The following HECW1 variants were observed in gnomAD, a reference collection of about 807,000 sequenced individuals.
The protein encoded by HECW1 is HECT, C2 and WW domain containing E3 ubiquitin protein ligase 1, also known as E3 ubiquitin-protein ligase HECW1.
Under a neutral mutation model 182.3 loss-of-function variants are expected in HECW1, and 61 were observed. The observed-to-expected ratio is 0.33, with a 90% CI of 0.27 to 0.41. HECW1 has a LOEUF of 0.41. Among genes scored for constraint, HECW1 ranks in the 10% least tolerant of loss-of-function variants. The pLI is 1.00. For missense variants in HECW1, 1,739 were observed against 2,108.9 expected, an observed-to-expected ratio of 0.82 and a Z score of 3.44; for synonymous variants, 859 against 832.6, an observed-to-expected ratio of 1.03 and a Z score of -0.55.
At chr7:43,513,373 C>T (rs950733731) in intron 24 of HECW1, among the ~76,000 whole-genome samples, 3 of 152,190 alleles carry the variant, frequency 2.0e-5, no homozygotes, top group Non-Finnish European at 2.9e-5. Flanking sequence ...GGTCCTGCAG[C>T]GGCCACTTCC....
At position 43,125,757 on chromosome 7, in the gene HECW1, TAAAAA is replaced by T. The variant is rs57874835; in HGVS notation, c.-32+11385_-32+11389del. 1.7e-4 allele frequency among the ~76,000 whole-genome samples: 15 copies of T among 86,544 alleles called. No individual in the cohort carries two copies. In the South Asian group the frequency reaches 2.5e-3, roughly 14 times the overall value. The allele number at this position is 86,544 out of a possible 152,430, so 56.8% of individuals were successfully genotyped here. On this transcript the variant is annotated intron_variant, in intron 2 of 29. Transcript: ENST00000395891. ...TGGGTGACAGAGCGAGATTCTGTCT[TAAAAA>T]AAAAAAAAAAAAAAAAAAGAGTGAG...
chr7:43,278,576 G>A (rs1238861661), intron 3 of HECW1, among the ~76,000 whole-genome samples: 3 of 151,940 alleles, frequency 2.0e-5, no homozygotes, highest in Non-Finnish European at 2.9e-5. Context: ...CCCAACCATG[G>A]CCTCCGAGGC....
At chr7:43,298,553 A>G (rs1483621102) in intron 3 of HECW1, among the ~76,000 whole-genome samples, 1 of 152,248 alleles carries the variant, frequency 6.6e-6, no homozygotes, top group Admixed American at 6.5e-5. Context: ...ACCGATGGCA[A>G]TGAGACCTGT....
At chr7:43,443,683 C>T (rs572532139) in intron 10 of HECW1, among the ~76,000 whole-genome samples, 1 of 152,294 alleles carries the variant, frequency 6.6e-6, no homozygotes, top group South Asian at 2.1e-4. Context: ...TGTTGGGAAC[C>T]TTCCAGCCTG....
At chr7:43,141,628 T>A (rs944810567) in intron 2 of HECW1, among the ~76,000 whole-genome samples, 3 of 151,930 alleles carry the variant, frequency 2.0e-5, no homozygotes, top group Non-Finnish European at 2.9e-5. Flanking sequence ...GCATCCTGAG[T>A]AGCTGGGATT....
rs775875064 is a variant in HECW1, at chr7:43,456,347, G to A, written c.2551G>A (p.Val851Met). Residue 851 changes from valine to methionine, a missense_variant, in exon 13 of 30, where the codon GTG (valine) becomes ATG (methionine). Val to Met is a conservative substitution (Grantham distance 21). This residue lies in a region of HECW1 where 971 missense variants were observed against 1,029.1 expected (regional missense o/e 0.94). Coordinates refer to ENST00000395891, the MANE Select transcript of HECW1 (RefSeq NM_015052.5). Reference sequence around the variant, plus strand: ...CGGGCGGGTCTTTTATGTGGACCACGTGAACCGCACAACCACCTGGCAGCG... The same window carrying A: ...CGGGCGGGTCTTTTATGTGGACCACATGAACCGCACAACCACCTGGCAGCG... ...SHGRVFYVDH[V>M]NRTTTWQRPT... 1.2e-5 allele frequency: 19 copies of A among 1,613,848 alleles called. No homozygotes were observed. The highest frequency in any genetic ancestry group is 4.4e-5 in the South Asian group (4 of 91,028).
rs191849772 is a variant in HECW1 at position 43,420,442 on chromosome 7, G to C, written c.801+12711G>C. Reference sequence around the variant, plus strand: ...AAGGATGCACACTTTAGCCACTTCTGTTTAATATTGTGCTAGAGATTCTAG... The same window carrying C: ...AAGGATGCACACTTTAGCCACTTCTCTTTAATATTGTGCTAGAGATTCTAG... On this transcript the variant is annotated intron_variant, in intron 8 of 29. Coordinates refer to ENST00000395891, the MANE Select transcript of HECW1 (RefSeq NM_015052.5). 9.2e-5 allele frequency among the ~76,000 whole-genome samples: 14 copies of C among 152,272 alleles called. No homozygotes were observed. In the East Asian group the frequency reaches 2.7e-3, roughly 29 times the overall value.
chr7:43,221,285 G>A (rs559127443), intron 2 of HECW1, among the ~76,000 whole-genome samples: 65 of 152,168 alleles, frequency 4.3e-4, no homozygotes, highest in African/African-American at 1.5e-3. Flanking sequence ...CACATCTAGA[G>A]GATTAGGGAG....
intron 11 of HECW1, among the ~76,000 whole-genome samples, chr7:43,449,636 T>C (rs890141892): frequency 6.6e-6 from 1 of 152,244 alleles, no homozygotes; most frequent in Non-Finnish European, 1.5e-5. Flanking sequence ...ACCACCATTT[T>C]TCAGTCTCTC....
chr7:43,284,712 C>T (rs753352557), intron 3 of HECW1, among the ~76,000 whole-genome samples: 27 of 152,214 alleles, frequency 1.8e-4, no homozygotes, highest in Non-Finnish European at 3.1e-4. Context: ...AATTTCCCTT[C>T]CCTGAAATAA....
chr7:43,166,271 T>C (rs1036448871), intron 2 of HECW1, among the ~76,000 whole-genome samples: 2 of 152,082 alleles, frequency 1.3e-5, no homozygotes, highest in African/African-American at 2.4e-5. Context: ...TTAGTAGAGA[T>C]GGGGTTTTGC....
At chr7:43,499,168 C>G (rs1260356171) in intron 19 of HECW1, among the ~76,000 whole-genome samples, 1 of 151,900 alleles carries the variant, frequency 6.6e-6, no homozygotes, top group Non-Finnish European at 1.5e-5. Context: ...GTAGTCCCAG[C>G]TACATGGGGG....
At chr7:43,324,524 A>G (rs1419953194) in intron 5 of HECW1, among the ~76,000 whole-genome samples, 2 of 152,190 alleles carry the variant, frequency 1.3e-5, no homozygotes, top group Non-Finnish European at 2.9e-5. Flanking sequence ...ACGTTCTCAT[A>G]TGGCTATCCT....
At chr7:43,244,976 C>T (rs1318442475) in intron 3 of HECW1, among the ~76,000 whole-genome samples, 1 of 152,244 alleles carries the variant, frequency 6.6e-6, no homozygotes, top group African/African-American at 2.4e-5. Context: ...GAGGCAGCTT[C>T]TCCTCTGCCA....
intron 19 of HECW1, among the ~76,000 whole-genome samples, chr7:43,498,682 G>A (rs1379263654): frequency 6.6e-6 from 1 of 152,060 alleles, no homozygotes; most frequent in African/African-American, 2.4e-5. Flanking sequence ...TTTCAACCCA[G>A]TCAAAGAAGC....
chr7:43,517,182 T>C (rs2080199177), intron 24 of HECW1, among the ~76,000 whole-genome samples: 2 of 152,220 alleles, frequency 1.3e-5, no homozygotes. Flanking sequence ...TCAGTTTCTC[T>C]GCAGCCACCA....
chr7:43,361,021 G>A, intron 6 of HECW1, 41 bp downstream of exon 6: 1 of 1,393,274 alleles, frequency 7.2e-7, no homozygotes. Context: ...CCTAACTCTG[G>A]TCTTTCTTCA....
chr7:43,237,140 A>AG (rs1554321392), intron 2 of HECW1, among the ~76,000 whole-genome samples: 8 of 133,854 alleles, frequency 6.0e-5, no homozygotes, highest in Non-Finnish European at 1.2e-4. Flanking sequence ...GAAGGAAGGA[A>AG]GTAGGTAGGT....
intron 19 of HECW1, among the ~76,000 whole-genome samples, chr7:43,494,779 A>C (rs1398412939): frequency 6.6e-6 from 1 of 152,112 alleles, no homozygotes; most frequent in African/African-American, 2.4e-5. Context: ...CTCCCAAAGT[A>C]CTGGGCTTAC....
Sources: gnomAD v4.1 joint callset for allele counts (sites outside exome capture counted in the v4.1 genomes callset) on GRCh38, gnomAD v4.1.1 for gene constraint, gnomAD v4.1.1 regional missense constraint, MANE v1.5 for transcripts, NCBI Gene and HGNC (gene_info 2026-07-23, HGNC 2026-07-21) for gene names.